The following CLPTM1 variants were observed in gnomAD, a reference collection of about 807,000 sequenced individuals.
CLPTM1 encodes the protein putative lipid scramblase CLPTM1.
Under a neutral mutation model 77.3 loss-of-function variants are expected in CLPTM1, and 21 were observed. That is an observed-to-expected ratio of 0.27 (90% CI 0.19 to 0.39). CLPTM1 has a LOEUF of 0.39. CLPTM1 is among the 10% of genes least tolerant of loss of function. The probability of loss-of-function intolerance (pLI) is 1.00; values close to 1 mark genes in which losing one functional copy is unlikely to be tolerated. For missense variants in CLPTM1, 642 were observed against 921.2 expected (o/e 0.70, Z 3.92); for synonymous variants, 373 against 381.0 (o/e 0.98, Z 0.24).
At chr19:44,974,295 C>T in intron 3 of CLPTM1, 144 bp from the exon 4 acceptor site, 2 of 701,458 alleles carry the variant, frequency 2.9e-6, no homozygotes, top group African/African-American at 3.5e-5. Flanking sequence ...AATATGTCCT[C>T]TCTGCTGCTC....
chr19:44,981,007 GT>G (rs1222634528), intron 5 of CLPTM1, among the ~76,000 whole-genome samples: 2 of 151,386 alleles, frequency 1.3e-5, no homozygotes, highest in African/African-American at 2.4e-5. Context: ...CCGGCTAATG[GT>G]TTTTTTGTAT....
Position 44,955,462 on chromosome 19 carries a change from G to A in CLPTM1, c.67G>A (p.Gly23Ser). ...AVVAAGGGSSGQVTSNGSIGR... is the reference protein window; with the variant it reads ...AVVAAGGGSSSQVTSNGSIGR... ...GGTGGCGGCCGGGGGAGGCAGCTCC[G>A]GTCAGGTACGGAGGCCGAGAGGGGA... Residue 23 changes from glycine (G) to serine (S), a missense_variant, in exon 1 of 14, where the codon GGT becomes AGT. Transcript: ENST00000337392. 5.3e-6 allele frequency: 7 copies of A among 1,327,136 alleles called. No individual in the cohort carries two copies. The highest frequency in any genetic ancestry group is 6.7e-6 in the Non-Finnish European group (7 of 1,040,008). 82.2% of individuals were successfully genotyped at this position (1,327,136 alleles called of 1,614,324 possible). A position where few individuals can be genotyped will look rare whatever the true frequency, so the allele number is the denominator to read the frequency against.
chr19:44,988,569 T>C (rs1971020219), intron 9 of CLPTM1, among the ~76,000 whole-genome samples: 1 of 152,236 alleles, frequency 6.6e-6, no homozygotes, highest in Admixed American at 6.5e-5. Context: ...GGAGGAGCAC[T>C]GTCCCCCAAA....
chr19:44,978,000 C>T lies in CLPTM1; in HGVS notation c.586+540C>T, dbSNP rs557692772. ...GGGCGTGTGCCTGTAGTCCCAGCTG[C>T]TCAGGAGGCTGAGGTGGGAGGATCG... On this transcript the variant is annotated intron_variant, in intron 5 of 13. Transcript: ENST00000337392. Among the ~76,000 whole-genome samples, 4 of 152,264 alleles carry T rather than the reference C, an allele frequency of 2.6e-5. No individual in the cohort carries two copies. In the South Asian group the frequency reaches 6.2e-4, roughly 24 times the overall value.
chr19:44,985,942 T>C (rs1241408538), intron 6 of CLPTM1, among the ~76,000 whole-genome samples: 3 of 152,124 alleles, frequency 2.0e-5, no homozygotes, highest in Non-Finnish European at 4.4e-5. Flanking sequence ...CTCGGTTTTC[T>C]ACATGTGGGG....
In CLPTM1 at chr19:44,993,141, C is replaced by G. The variant is rs1458603442; in HGVS notation, c.*244C>G. On this transcript the variant is annotated 3_prime_UTR_variant, in exon 14 of 14. Transcript: ENST00000337392. ...GCCATCTCGCCCTGCCAGCCCAGCA[C>G]CACTGGGAATCATGGTGAAGCTGAT... The G allele has an allele frequency of 1.6e-6, 1 of 616,642 alleles. No individual in the cohort carries two copies. The highest frequency in any genetic ancestry group is 1.8e-5 in the African/African-American group (1 of 55,166). The allele number at this position is 616,642 out of a possible 1,614,324, so 38.2% of individuals were successfully genotyped here. A position where few individuals can be genotyped will look rare whatever the true frequency, so the allele number is the denominator to read the frequency against.
intron 3 of CLPTM1, among the ~76,000 whole-genome samples, chr19:44,973,768 T>TTTTG (rs1555721364): frequency 6.4e-5 from 9 of 139,780 alleles, no homozygotes; most frequent in Non-Finnish European, 1.4e-4. Flanking sequence ...TGGGTTTTTT[T>TTTTG]TTTTTTTTTT....
chr19:44,974,385 C>G, intron 3 of CLPTM1, 54 bp from the exon 4 acceptor site: 1 of 1,563,666 alleles, frequency 6.4e-7, no homozygotes, highest in Non-Finnish European at 8.7e-7. Context: ...TTTAGCCAGC[C>G]TGCAGAGGCT....
chr19:44,992,492 G>C lies in CLPTM1; in HGVS notation c.1723+92G>C. On this transcript the variant is annotated intron_variant, in intron 13 of 13. Transcript: ENST00000337392. The surrounding 1 kb of genome is among the most constrained non-coding windows in gnomAD (Gnocchi z 7.7). ...GGCCTGAGGGGGTGCCACGGCCCCA[G>C]ATGGGGTGCTCAGTCTGAGGGGGCT... is the stretch of plus-strand genomic sequence containing the variant. The C allele has an allele frequency of 6.3e-7, 1 of 1,589,698 alleles. No individual in the cohort carries two copies. The highest frequency in any genetic ancestry group is 1.3e-5 in the African/African-American group (1 of 74,496).
chr19:44,983,550 G>A (rs571738791), intron 5 of CLPTM1, among the ~76,000 whole-genome samples: 18 of 142,200 alleles, frequency 1.3e-4, no homozygotes, highest in Admixed American at 8.9e-4. Flanking sequence ...CCTGGGAGTC[G>A]GAGGTTGCAG....
Position 44,977,476 on chromosome 19 carries a change from G to T in CLPTM1, c.586+16G>T. 6.4e-7 allele frequency: 1 copy of T among 1,574,180 alleles called. No homozygotes were observed. Among genetic ancestry groups the T allele is most frequent in the Non-Finnish European group, 8.7e-7 (1 of 1,152,956 alleles). ...ATGTCCCGGAGTAAGTCGCTCCCCT[G>T]CAGCCAGGACCCACTGTCCAGGAGG... is the stretch of plus-strand genomic sequence containing the variant. On this transcript the variant is annotated intron_variant, in intron 5 of 13. Coordinates refer to ENST00000337392, the MANE Select transcript of CLPTM1 (RefSeq NM_001294.4).
chr19:44,954,949 T>G (rs1254149206), upstream of CLPTM1: 1 of 1,525,810 alleles, frequency 6.6e-7, no homozygotes, highest in African/African-American at 1.4e-5. Context: ...CCAGAAAGGT[T>G]CCTCTGACGA....
intron 9 of CLPTM1, among the ~76,000 whole-genome samples, chr19:44,989,666 C>G (rs1010814225): frequency 6.6e-6 from 1 of 152,134 alleles, no homozygotes. Context: ...GGCCCTGACT[C>G]TGCAGGACTG....
intron 1 of CLPTM1, chr19:44,955,785 G>T (rs1230256192): frequency 6.7e-6 from 2 of 299,510 alleles, no homozygotes; most frequent in Admixed American, 1.0e-4. Context: ...GCGATTCCAT[G>T]CTCTGAGGCC....
In CLPTM1 at chr19:44,973,132, G is replaced by A. The variant is rs137975213; in HGVS notation, c.231G>A (p.Pro77=). The A allele has an allele frequency of 7.3e-5, 118 of 1,613,998 alleles. No homozygotes were observed. The African/African-American group carries it at 8.4e-4, about 11-fold the overall frequency. ...WAISSWFRRG[P]APQDQAGPGG... The stretch of plus-strand genomic sequence containing the variant: ...TCAGCAGTTGGTTCCGCCGAGGGCC[G>A]GCCCCTCAGGACCAGGCGGGCCCCG... Residue 77 remains proline (P), a synonymous_variant, in exon 3 of 14, where the codon CCG becomes CCA. Coordinates refer to ENST00000337392, the MANE Select transcript of CLPTM1 (RefSeq NM_001294.4).
Position 44,987,194 on chromosome 19 carries a change from C to A in CLPTM1, c.809C>A (p.Ala270Asp). ...CGTGCTGCAGATGTGAAGTTCGACG[C>A]CGTGAGCGGTGACTACTATCCCATC... ...PPLDQYVKFDAVSGDYYPIIY... is the reference protein window; with the variant it reads ...PPLDQYVKFDDVSGDYYPIIY... Residue 270 changes from alanine to aspartate, a missense_variant, in exon 8 of 14, where the codon GCC becomes GAC. Physicochemically the swap from Ala to Asp is moderately radical, Grantham distance 126. This residue lies in a region of CLPTM1 where 521 missense variants were observed against 800.4 expected (regional missense o/e 0.65). Transcript: ENST00000337392. 1 of 1,610,766 alleles carries A rather than the reference C, an allele frequency of 6.2e-7. No individual in the cohort carries two copies. The highest frequency in any genetic ancestry group is 1.1e-5 in the South Asian group (1 of 91,012).
intron 6 of CLPTM1, among the ~76,000 whole-genome samples, chr19:44,985,675 C>T (rs1297438523): frequency 2.6e-5 from 4 of 152,188 alleles, no homozygotes; most frequent in South Asian, 2.1e-4. Context: ...AGCACACACA[C>T]GAGAATATGG....
chr19:44,993,001 C>A lies in CLPTM1; in HGVS notation c.*104C>A. ...CGCCCTTTCCCTGGACAGATCAGGC[C>A]GGGGCGGTGGGAGGCCCGCCTCAGG... On this transcript the variant is annotated 3_prime_UTR_variant, in exon 14 of 14. Coordinates refer to ENST00000337392, the MANE Select transcript of CLPTM1 (RefSeq NM_001294.4). 2 of 1,412,698 alleles carry A rather than the reference C, an allele frequency of 1.4e-6. No homozygotes were observed. The highest frequency in any genetic ancestry group is 1.9e-6 in the Non-Finnish European group (2 of 1,030,934). The allele number at this position is 1,412,698 out of a possible 1,614,324, so 87.5% of individuals were successfully genotyped here. A position where few individuals can be genotyped will look rare whatever the true frequency, so the allele number is the denominator to read the frequency against.
At chr19:44,981,990 C>T (rs541912778) in intron 5 of CLPTM1, among the ~76,000 whole-genome samples, 46 of 152,076 alleles carry the variant, frequency 3.0e-4, no homozygotes, top group African/African-American at 1.0e-3. Context: ...CTCGTTTCAA[C>T]ATATGATCAG....
Sources: gnomAD v4.1 joint callset for allele counts (sites outside exome capture counted in the v4.1 genomes callset) on GRCh38, gnomAD v4.1.1 for gene constraint, gnomAD v4.1.1 regional missense constraint, Gnocchi (gnomAD v3.1) non-coding constraint, MANE v1.5 for transcripts, NCBI Gene and HGNC (gene_info 2026-07-23, HGNC 2026-07-21) for gene names.